Variants in GRIP1 observed in about 807,000 individuals in gnomAD.
The protein encoded by GRIP1 is glutamate receptor interacting protein 1, also known as glutamate receptor-interacting protein 1.
In GRIP1, 45 loss-of-function variants were observed where a neutral mutation model predicts 129.9. That is an observed-to-expected ratio of 0.35 (90% CI 0.27 to 0.44). The LOEUF is 0.44. GRIP1 is among the 20% of genes least tolerant of loss of function. The pLI, the probability that GRIP1 is intolerant of heterozygous loss-of-function variation, is 1.00. For synonymous variants in GRIP1, 530 were observed against 520.8 expected (o/e 1.02, Z -0.24); for missense variants, 1,196 against 1,396.8 (o/e 0.86, Z 2.29).
intron 1 of GRIP1, among the ~76,000 whole-genome samples, chr12:67,014,957 G>C (rs2042763888): frequency 6.6e-6 from 1 of 152,130 alleles, no homozygotes; most frequent in Admixed American, 6.6e-5. Context: ...TTCCAGAATG[G>C]TTAAATGTTT....
chr12:66,403,242 T>A (rs1327480059), intron 16 of GRIP1, among the ~76,000 whole-genome samples: 3 of 152,220 alleles, frequency 2.0e-5, no homozygotes, highest in Non-Finnish European at 2.9e-5. Context: ...CCAAGTGGTG[T>A]ACACGGTACC....
chr12:66,521,786 T>G (rs958924505), intron 5 of GRIP1, among the ~76,000 whole-genome samples: 2 of 152,108 alleles, frequency 1.3e-5, no homozygotes, highest in Non-Finnish European at 2.9e-5. Flanking sequence ...ACCTGGAAAA[T>G]CGGGTCACTC....
At chr12:66,843,985 T>G (rs963561551) in intron 1 of GRIP1, among the ~76,000 whole-genome samples, 2 of 152,106 alleles carry the variant, frequency 1.3e-5, no homozygotes, top group African/African-American at 4.8e-5. Flanking sequence ...CTTCCATGCA[T>G]GAAATAACAC....
At chr12:66,862,927 A>C (rs2040137824) in intron 1 of GRIP1, among the ~76,000 whole-genome samples, 1 of 152,106 alleles carries the variant, frequency 6.6e-6, no homozygotes, top group African/African-American at 2.4e-5. Context: ...CTCTTAAATG[A>C]TATAATGATG....
chr12:66,393,972 C>A (rs746769452), intron 17 of GRIP1, among the ~76,000 whole-genome samples: 3 of 152,168 alleles, frequency 2.0e-5, no homozygotes, highest in Non-Finnish European at 4.4e-5. Context: ...TCAGCTTATA[C>A]ATTTCAGAGA....
chr12:66,763,113 T>C (rs979204646), intron 1 of GRIP1, among the ~76,000 whole-genome samples: 2 of 152,116 alleles, frequency 1.3e-5, no homozygotes, highest in African/African-American at 2.4e-5. Flanking sequence ...TTATAAAAAA[T>C]TTATAATTTA....
At chr12:66,596,146 A>T (rs888195761) in intron 2 of GRIP1, among the ~76,000 whole-genome samples, 1 of 152,146 alleles carries the variant, frequency 6.6e-6, no homozygotes, top group Non-Finnish European at 1.5e-5. Context: ...TCCATAAGGA[A>T]TTTTTCCATG....
At chr12:66,460,630 C>A (rs1051877176) in intron 9 of GRIP1, among the ~76,000 whole-genome samples, 4 of 152,156 alleles carry the variant, frequency 2.6e-5, no homozygotes, top group African/African-American at 9.7e-5. Flanking sequence ...AATCTCTTAT[C>A]CCAAGTTGAG....
intron 1 of GRIP1, among the ~76,000 whole-genome samples, chr12:67,034,320 A>T (rs1435169130): frequency 6.6e-6 from 1 of 152,164 alleles, no homozygotes; most frequent in Non-Finnish European, 1.5e-5. Flanking sequence ...TTTCCTAATC[A>T]TAGTTTGCAT....
At chr12:66,509,802 G>A (rs2060642100) in intron 7 of GRIP1, among the ~76,000 whole-genome samples, 1 of 152,054 alleles carries the variant, frequency 6.6e-6, no homozygotes, top group Non-Finnish European at 1.5e-5. Context: ...TGTCACGGGG[G>A]CAGGGGAAGG....
At chr12:67,009,240 T>C (rs2042670850) in intron 1 of GRIP1, among the ~76,000 whole-genome samples, 1 of 152,178 alleles carries the variant, frequency 6.6e-6, no homozygotes, top group African/African-American at 2.4e-5. Context: ...TGATATTGTA[T>C]ATGTAATTGC....
At chr12:66,605,501 G>T (rs957660907) in intron 1 of GRIP1, among the ~76,000 whole-genome samples, 3 of 152,306 alleles carry the variant, frequency 2.0e-5, no homozygotes, top group Non-Finnish European at 4.4e-5. Context: ...ATTTGAAGAG[G>T]TCTAAATCTT....
At chr12:66,703,969 A>C (rs1337579157) in intron 1 of GRIP1, among the ~76,000 whole-genome samples, 7 of 152,108 alleles carry the variant, frequency 4.6e-5, no homozygotes, top group African/African-American at 1.7e-4. Flanking sequence ...GAAAAAGGGA[A>C]GGAAAAAAAC....
intron 1 of GRIP1, among the ~76,000 whole-genome samples, chr12:66,710,517 G>A (rs997300760): frequency 6.6e-6 from 1 of 151,788 alleles, no homozygotes; most frequent in Non-Finnish European, 1.5e-5. Context: ...TTACCAACTC[G>A]ATTGATTTGC....
At chr12:66,963,228 T>C (rs1369932975) in intron 1 of GRIP1, among the ~76,000 whole-genome samples, 1 of 151,986 alleles carries the variant, frequency 6.6e-6, no homozygotes, top group Non-Finnish European at 1.5e-5. Context: ...GATGGGAGGA[T>C]CACCTGAGCC....
chr12:66,371,742 T>C lies in GRIP1; in HGVS notation c.2964A>G (p.Lys988=), dbSNP rs763840511. 6.2e-7 allele frequency: 1 copy of C among 1,614,018 alleles called. No individual in the cohort carries two copies. ...GRKSVTLRKM[K]QEIKEIMSPT... ...GAGACATGATCTCCTTTATTTCTTG[T>C]TTCATTTTTCTCAGGGTTACTGACT... Residue 988 remains lysine (K), a synonymous_variant, in exon 23 of 25, where the codon AAA becomes AAG. Coordinates refer to ENST00000359742, the MANE Select transcript of GRIP1 (RefSeq NM_001366722.1).
At position 66,596,818 on chromosome 12, in the gene GRIP1, A is replaced by G. The variant is rs1276100864; in HGVS notation, c.136+29T>C. ...AAATAACAGGATTCAAAAGTAAAAC[A>G]GCTGAAAAATCCAACAGTCTGGTCT... On this transcript the variant is annotated intron_variant, in intron 2 of 24. Transcript: ENST00000359742. The G allele has an allele frequency of 8.0e-6, 11 of 1,369,198 alleles. No individual in the cohort carries two copies. In the African/African-American group the frequency reaches 1.3e-4, roughly 16 times the overall value. 84.8% of individuals were successfully genotyped at this position (1,369,198 alleles called of 1,614,324 possible).
At chr12:66,810,531 T>C (rs2039083018) in intron 1 of GRIP1, among the ~76,000 whole-genome samples, 1 of 152,162 alleles carries the variant, frequency 6.6e-6, no homozygotes, top group Non-Finnish European at 1.5e-5. Flanking sequence ...CACTCCAGCC[T>C]GGGCAATGAG....
intron 1 of GRIP1, among the ~76,000 whole-genome samples, chr12:66,910,057 T>C (rs984347642): frequency 1.2e-4 from 18 of 152,170 alleles, no homozygotes; most frequent in African/African-American, 4.3e-4. Flanking sequence ...CTTTCAAGGT[T>C]GAAGAGCACT....
Sources: gnomAD v4.1 joint callset for allele counts (sites outside exome capture counted in the v4.1 genomes callset) on GRCh38, gnomAD v4.1.1 for gene constraint, MANE v1.5 for transcripts, NCBI Gene and HGNC (gene_info 2026-07-23, HGNC 2026-07-21) for gene names.